The following WAPL variants were observed in gnomAD, a reference collection of about 807,000 sequenced individuals.
WAPL encodes wings apart-like protein homolog.
A neutral mutation model predicts 121.0 loss-of-function variants in WAPL; 5 were observed. That is an observed-to-expected ratio of 0.04 (90% CI 0.02 to 0.09). The LOEUF (loss-of-function observed/expected upper bound fraction) is 0.09, where lower values mean the gene tolerates loss of function less well. Among genes scored for constraint, WAPL ranks in the 10% least tolerant of loss-of-function variants. The pLI is 1.00. For synonymous variants in WAPL, 480 were observed against 481.5 expected (o/e 1.00, Z 0.04); for missense variants, 999 against 1,410.8 (o/e 0.71, Z 4.68).
chr10:86,484,755 A>AAT (rs1564577986), intron 4 of WAPL, among the ~76,000 whole-genome samples: 1 of 152,138 alleles, frequency 6.6e-6, no homozygotes, highest in African/African-American at 2.4e-5. Context: ...TAGATACACA[A>AAT]ATACTTACCA....
intron 2 of WAPL, 112 bp downstream of exon 2, chr10:86,517,459 T>C: frequency 7.3e-7 from 1 of 1,376,290 alleles, no homozygotes; most frequent in Non-Finnish European, 9.6e-7. Flanking sequence ...ATGGTCCCCA[T>C]GTATCATAAG....
At chr10:86,470,868 TA>T in intron 8 of WAPL, 123 bp downstream of exon 8, 1 of 751,440 alleles carries the variant, frequency 1.3e-6, no homozygotes, top group Non-Finnish European at 2.0e-6. Context: ...ATTTAGCAAA[TA>T]AAATGAACTC....
chr10:86,449,988 A>G (rs1282128545), intron 15 of WAPL, among the ~76,000 whole-genome samples: 1 of 152,230 alleles, frequency 6.6e-6, no homozygotes, highest in Non-Finnish European at 1.5e-5. Flanking sequence ...ACACACAAAC[A>G]TAAATGAATG....
At chr10:86,497,462 A>C in intron 3 of WAPL, 143 bp from the exon 4 acceptor site, 1 of 637,826 alleles carries the variant, frequency 1.6e-6, no homozygotes, top group Non-Finnish European at 2.7e-6. Flanking sequence ...CTGACAAAAT[A>C]CTCCCTAGAA....
In WAPL at chr10:86,464,704, C is replaced by T. The variant is rs142309712; in HGVS notation, c.2370+2575G>A. 1.6e-3 allele frequency among the ~76,000 whole-genome samples: 239 copies of T among 152,292 alleles called. 3 individuals carry two copies. The highest frequency in any genetic ancestry group is 5.6e-3 in the African/African-American group (233 of 41,564). On this transcript the variant is annotated intron_variant, in intron 9 of 18. Coordinates refer to ENST00000298767, the MANE Select transcript of WAPL (RefSeq NM_015045.5). ...CAAGAAAATTAGCTGGGCGTGATGG[C>T]ACACGCCTGTAATCCCAGCTATTCA...
Position 86,437,301 on chromosome 10 carries a change from T to C in WAPL, c.*242A>G, listed in dbSNP as rs1849347310. 1 of 475,680 alleles carries C rather than the reference T, an allele frequency of 2.1e-6. No homozygotes were observed. Among genetic ancestry groups the C allele is most frequent in the Non-Finnish European group, 3.7e-6 (1 of 270,242 alleles). 29.5% of individuals were successfully genotyped at this position (475,680 alleles called of 1,614,324 possible). On this transcript the variant is annotated 3_prime_UTR_variant, in exon 19 of 19. Coordinates refer to ENST00000298767, the MANE Select transcript of WAPL (RefSeq NM_015045.5). ...AAAGTAAATGTATTTAAATACTGCATGGAATTGTTAACAGCCTGAACCTTT... is the reference window on the plus strand; with the variant it reads ...AAAGTAAATGTATTTAAATACTGCACGGAATTGTTAACAGCCTGAACCTTT...
At chr10:86,462,877 A>G (rs1841318297) in intron 9 of WAPL, among the ~76,000 whole-genome samples, 1 of 152,216 alleles carries the variant, frequency 6.6e-6, no homozygotes, top group Non-Finnish European at 1.5e-5. Flanking sequence ...TGAGTCATAC[A>G]GGCAAAGCTG....
At chr10:86,502,678 C>T (rs1476008892) in intron 2 of WAPL, among the ~76,000 whole-genome samples, 1 of 152,192 alleles carries the variant, frequency 6.6e-6, no homozygotes, top group Non-Finnish European at 1.5e-5. Context: ...TTCCTTTACC[C>T]TCTTATAAGA....
chr10:86,454,930 G>T (rs1229266096), intron 12 of WAPL, among the ~76,000 whole-genome samples: 1 of 145,470 alleles, frequency 6.9e-6, no homozygotes, highest in Non-Finnish European at 1.5e-5. Context: ...CGGCCACCCC[G>T]TCTGAGAAGT....
At chr10:86,479,506 G>GAA (rs1841733752) in intron 4 of WAPL, among the ~76,000 whole-genome samples, 2 of 152,144 alleles carry the variant, frequency 1.3e-5, no homozygotes, top group South Asian at 4.1e-4. Flanking sequence ...CACCTGCCTT[G>GAA]GCCTCCCAAA....
chr10:86,456,733 T>C (rs1246753410), intron 12 of WAPL, among the ~76,000 whole-genome samples: 2 of 152,250 alleles, frequency 1.3e-5, no homozygotes, highest in African/African-American at 4.8e-5. Context: ...CTTCTGGTAT[T>C]GAATGCTGGT....
At chr10:86,455,029 G>GC (rs1841103264) in intron 12 of WAPL, among the ~76,000 whole-genome samples, 1 of 147,238 alleles carries the variant, frequency 6.8e-6, no homozygotes, top group Admixed American at 6.7e-5. Flanking sequence ...GTGGGGGGCA[G>GC]CCCCCGCCCG....
intron 4 of WAPL, among the ~76,000 whole-genome samples, chr10:86,480,868 G>A (rs1205524388): frequency 6.6e-6 from 1 of 152,054 alleles, no homozygotes; most frequent in East Asian, 1.9e-4. Context: ...TTAATCAATA[G>A]TCCAGAAATG....
At chr10:86,499,419 C>T (rs1007929187) in intron 3 of WAPL, among the ~76,000 whole-genome samples, 4 of 152,116 alleles carry the variant, frequency 2.6e-5, no homozygotes, top group Non-Finnish European at 5.9e-5. Flanking sequence ...CTAGTGGATG[C>T]CTGAAACCAG....
chr10:86,448,486 G>C (rs1242734223), intron 15 of WAPL, among the ~76,000 whole-genome samples: 1 of 152,198 alleles, frequency 6.6e-6, no homozygotes, highest in East Asian at 1.9e-4. Flanking sequence ...CTAGTTTGCA[G>C]TCATTACAAA....
At chr10:86,437,733 A>C in intron 18 of WAPL, 125 bp from the exon 19 acceptor site, 1 of 1,116,594 alleles carries the variant, frequency 9.0e-7, no homozygotes, top group Non-Finnish European at 1.3e-6. Context: ...CACCGAGATT[A>C]AATTGTGGGT....
At chr10:86,465,161 G>T (rs1841369048) in intron 9 of WAPL, among the ~76,000 whole-genome samples, 1 of 152,098 alleles carries the variant, frequency 6.6e-6, no homozygotes, top group African/African-American at 2.4e-5. Flanking sequence ...AAGTAGATGT[G>T]GAGACACTGG....
rs1303852494 is a variant in WAPL at position 86,460,501 on chromosome 10, G to A, written c.2483-5C>T. On this transcript the variant is annotated splice_region_variant and splice_polypyrimidine_tract_variant and intron_variant, in intron 10 of 18. Coordinates refer to ENST00000298767, the MANE Select transcript of WAPL (RefSeq NM_015045.5). ...AATGATCCACACATTCTTTTACTAG[G>A]TGAAAAGAAACAAACGTAAGTTAGT... 17 of 1,606,954 alleles carry A rather than the reference G, an allele frequency of 1.1e-5. No individual in the cohort carries two copies. Among genetic ancestry groups the A allele is most frequent in the African/African-American group, 1.3e-5 (1 of 74,662 alleles).
intron 17 of WAPL, among the ~76,000 whole-genome samples, chr10:86,439,965 A>G (rs1434920827): frequency 6.6e-6 from 1 of 152,238 alleles, no homozygotes; most frequent in African/African-American, 2.4e-5. Context: ...CATTAGGTAA[A>G]CCAAACTTCC....
Sources: gnomAD v4.1 joint callset for allele counts (sites outside exome capture counted in the v4.1 genomes callset) on GRCh38, gnomAD v4.1.1 for gene constraint, MANE v1.5 for transcripts, NCBI Gene and HGNC (gene_info 2026-07-23, HGNC 2026-07-21) for gene names.